FAM107B: variants seen among roughly 807,000 people sequenced by gnomAD.
FAM107B encodes protein FAM107B.
Under a neutral mutation model 31.5 loss-of-function variants are expected in FAM107B, and 21 were observed. The ratio of observed to expected loss-of-function variants is 0.67; its 90% CI spans 0.47 to 0.96. The LOEUF (loss-of-function observed/expected upper bound fraction) is 0.96. Ranked by LOEUF, FAM107B falls within the 40% of genes least tolerant of loss-of-function variation. The probability of loss-of-function intolerance (pLI) is 0.00; values close to 1 mark genes in which losing one functional copy is unlikely to be tolerated. For synonymous variants in FAM107B, 157 were observed against 141.5 expected (o/e 1.11, Z -0.78); for missense variants, 452 against 377.1 (o/e 1.20, Z -1.64).
At chr10:14,696,769 T>C (rs1855276075) in intron 1 of FAM107B, among the ~76,000 whole-genome samples, 1 of 152,202 alleles carries the variant, frequency 6.6e-6, no homozygotes, top group South Asian at 2.1e-4. Context: ...CAGATGCTTC[T>C]GAATGTGGAT....
chr10:14,758,577 G>A (rs552873372), intron 1 of FAM107B, among the ~76,000 whole-genome samples: 4 of 152,166 alleles, frequency 2.6e-5, no homozygotes, highest in African/African-American at 7.2e-5. Context: ...CAAGAGCAGC[G>A]CAGGGCCTGA....
At chr10:14,682,976 T>C (rs1002864747) in intron 1 of FAM107B, among the ~76,000 whole-genome samples, 2 of 152,164 alleles carry the variant, frequency 1.3e-5, no homozygotes, top group African/African-American at 4.8e-5. Flanking sequence ...TAAGGGGTCC[T>C]CCTGCAGCAA....
intron 2 of FAM107B, among the ~76,000 whole-genome samples, chr10:14,647,943 A>AT (rs1564613395): frequency 6.6e-6 from 1 of 151,954 alleles, no homozygotes; most frequent in African/African-American, 2.4e-5. Context: ...GGAAGGCAGA[A>AT]TTTGTTAAGT....
intron 2 of FAM107B, among the ~76,000 whole-genome samples, chr10:14,536,394 C>T (rs1038244322): frequency 5.9e-5 from 9 of 152,190 alleles, no homozygotes; most frequent in Non-Finnish European, 1.3e-4. Flanking sequence ...CCTAAGCTGT[C>T]TCTAAGATTC....
rs141088894 is a variant in FAM107B at position 14,769,909 on chromosome 10, G to C, written c.411+4344C>G. On this transcript the variant is annotated intron_variant, in intron 1 of 4. Coordinates refer to ENST00000181796, the MANE Select transcript of FAM107B (RefSeq NM_031453.4). ...CTGCGTACATCACTGGGAGAGAGAG[G>C]AGTGAAACAGCACCATTCAACTTGG... is the stretch of plus-strand genomic sequence containing the variant. Among the ~76,000 whole-genome samples, 403 of 152,288 alleles carry C rather than the reference G, an allele frequency of 2.6e-3. 2 individuals are homozygous for C. The highest frequency in any genetic ancestry group is 9.1e-3 in the African/African-American group (378 of 41,554).
intron 2 of FAM107B, among the ~76,000 whole-genome samples, chr10:14,632,023 C>T (rs1021189526): frequency 1.3e-5 from 2 of 152,134 alleles, no homozygotes; most frequent in South Asian, 4.1e-4. Context: ...TCTGGCCAGG[C>T]ACAGTGGCTC....
At chr10:14,538,432 TACA>T (rs1847862975) in intron 2 of FAM107B, among the ~76,000 whole-genome samples, 1 of 152,148 alleles carries the variant, frequency 6.6e-6, no homozygotes, top group Non-Finnish European at 1.5e-5. Flanking sequence ...ATCTCACAAA[TACA>T]ACGTTAAGCA....
rs1464139768 is a variant in FAM107B at position 14,701,121 on chromosome 10, T to TA, written c.412-33431dup. On this transcript the variant is annotated intron_variant, in intron 1 of 4. Transcript: ENST00000181796. ...ATTTTTTAATGTCCTAATTTCACCT[T>TA]ATGTTCTCTGACATTGACAGGGACA... is the stretch of plus-strand genomic sequence containing the variant. Among the ~76,000 whole-genome samples, 5 of 152,244 alleles carry TA rather than the reference T, an allele frequency of 3.3e-5. No homozygotes were observed. In the East Asian group the frequency reaches 9.6e-4, roughly 29 times the overall value.
intron 2 of FAM107B, among the ~76,000 whole-genome samples, chr10:14,537,850 A>AAAAAG (rs1847797397): frequency 6.6e-6 from 1 of 151,678 alleles, no homozygotes; most frequent in Non-Finnish European, 1.5e-5. Context: ...AAAAAAAAAA[A>AAAAAG]AAATGAAATG....
At chr10:14,733,942 C>T (rs935333382) in intron 1 of FAM107B, among the ~76,000 whole-genome samples, 2 of 152,158 alleles carry the variant, frequency 1.3e-5, no homozygotes, top group South Asian at 2.1e-4. Flanking sequence ...TTTCTGGGCA[C>T]CTGGTATTTA....
chr10:14,585,920 C>T (rs1851811429), intron 2 of FAM107B, among the ~76,000 whole-genome samples: 1 of 152,152 alleles, frequency 6.6e-6, no homozygotes, highest in African/African-American at 2.4e-5. Flanking sequence ...CAGGCTCGTC[C>T]CAAACCAAAC....
At chr10:14,771,709 C>T (rs1242782888) in intron 1 of FAM107B, among the ~76,000 whole-genome samples, 2 of 152,020 alleles carry the variant, frequency 1.3e-5, no homozygotes, top group Non-Finnish European at 2.9e-5. Context: ...TAGAGATGAA[C>T]CTTCGTTATG....
intron 2 of FAM107B, among the ~76,000 whole-genome samples, chr10:14,560,077 C>G (rs1296571062): frequency 2.0e-5 from 3 of 152,148 alleles, no homozygotes; most frequent in Non-Finnish European, 4.4e-5. Context: ...TTGCTCTACT[C>G]AATAGCCTGA....
chr10:14,670,088 T>C (rs1854505616), intron 1 of FAM107B, among the ~76,000 whole-genome samples: 1 of 152,186 alleles, frequency 6.6e-6, no homozygotes, highest in African/African-American at 2.4e-5. Context: ...TAAAAAGAAA[T>C]GTCTTTCTTA....
chr10:14,720,617 A>G (rs557454861), intron 1 of FAM107B, among the ~76,000 whole-genome samples: 6 of 152,340 alleles, frequency 3.9e-5, no homozygotes, highest in East Asian at 3.9e-4. Context: ...CAATTCATCA[A>G]TTAGCTGAAG....
At chr10:14,721,979 G>A (rs1163852140) in intron 1 of FAM107B, among the ~76,000 whole-genome samples, 3 of 152,102 alleles carry the variant, frequency 2.0e-5, no homozygotes, top group Non-Finnish European at 4.4e-5. Context: ...ATGGTTTTAG[G>A]TCTGACATTT....
chr10:14,570,204 G>C (rs1851077056), intron 2 of FAM107B, among the ~76,000 whole-genome samples: 1 of 151,146 alleles, frequency 6.6e-6, no homozygotes, highest in Non-Finnish European at 1.5e-5. Context: ...AAACGACATT[G>C]AAAACGTACC....
rs371553698 is a variant in FAM107B at position 14,698,499 on chromosome 10, A to G, written c.412-30808T>C. ...TTTACTGTTTATGCTTAATATGTGC[A>G]TTGCACATCATCATTTGATGATCAC... is the stretch of plus-strand genomic sequence containing the variant. On this transcript the variant is annotated intron_variant, in intron 1 of 4. Coordinates refer to ENST00000181796, the MANE Select transcript of FAM107B (RefSeq NM_031453.4). Among the ~76,000 whole-genome samples the G allele has an allele frequency of 2.1e-4, 32 of 152,358 alleles. 1 individual carries two copies. The East Asian group carries it at 5.6e-3, about 27-fold the overall frequency.
intron 2 of FAM107B, among the ~76,000 whole-genome samples, chr10:14,631,882 C>T (rs772104017): frequency 9.9e-5 from 15 of 152,212 alleles, no homozygotes; most frequent in East Asian, 3.9e-4. Flanking sequence ...GGGTGACAGC[C>T]GAGCATTAAG....
Sources: allele counts gnomAD v4.1 joint callset (sites outside exome capture counted in the v4.1 genomes callset), GRCh38; gene constraint gnomAD v4.1.1; transcripts MANE v1.5; gene names NCBI Gene and HGNC (gene_info 2026-07-23, HGNC 2026-07-21).